The following EGLN1 variants were observed in gnomAD, a reference collection of about 807,000 sequenced individuals.
The protein encoded by EGLN1 is egl-9 family hypoxia inducible factor 1, also known as egl nine homolog 1.
In EGLN1, 17 loss-of-function variants were observed where a neutral mutation model predicts 38.3. That is an observed-to-expected ratio of 0.44 (90% CI 0.30 to 0.67). EGLN1 has a LOEUF of 0.67. Ranked by LOEUF, EGLN1 falls within the 30% of genes least tolerant of loss-of-function variation. The pLI, the probability that EGLN1 is intolerant of heterozygous loss-of-function variation, is 0.08. For missense variants in EGLN1, 477 were observed against 603.3 expected (o/e 0.79, Z 2.19); for synonymous variants, 283 against 257.5 (o/e 1.10, Z -0.95).
In EGLN1 at chr1:231,421,823, C is replaced by T; in HGVS notation, c.66G>A (p.Glu22=). 6.5e-7 allele frequency: 1 copy of T among 1,540,194 alleles called. No individual in the cohort carries two copies. The highest frequency in any genetic ancestry group is 8.7e-7 in the Non-Finnish European group (1 of 1,153,826). The change falls in exon 1 of 5, where the codon GAG becomes GAA. Residue 22 remains glutamate (E), a synonymous_variant. Coordinates refer to ENST00000366641, the MANE Select transcript of EGLN1 (RefSeq NM_022051.3). The surrounding 1 kb of genome is among the most constrained non-coding windows in gnomAD (Gnocchi z 5.5). ...SPSERDRQYC[E]LCGKMENLLR... is the part of the protein sequence containing the mutation. Reference sequence around the variant, plus strand: ...GCAGGTTCTCCATCTTCCCGCACAGCTCGCAGTACTGCCGGTCTCGCTCGC... The same window carrying T: ...GCAGGTTCTCCATCTTCCCGCACAGTTCGCAGTACTGCCGGTCTCGCTCGC...
intron 3 of EGLN1, among the ~76,000 whole-genome samples, chr1:231,369,781 G>A (rs2739516): frequency 0.55 from 82,986 of 151,968 alleles, 24,273 homozygotes; most frequent in Non-Finnish European, 0.65. Flanking sequence ...AATGAATGCC[G>A]GAAGCTCACT....
chr1:231,396,807 G>C (rs907272097), intron 1 of EGLN1, among the ~76,000 whole-genome samples: 3 of 152,132 alleles, frequency 2.0e-5, no homozygotes, highest in African/African-American at 7.2e-5. Flanking sequence ...TGGCATCCTT[G>C]TTCAACCAGT....
At chr1:231,394,325 G>T (rs918105208) in intron 1 of EGLN1, among the ~76,000 whole-genome samples, 5 of 150,820 alleles carry the variant, frequency 3.3e-5, no homozygotes, top group Non-Finnish European at 7.4e-5. Context: ...CCTCAAAATG[G>T]TTATTTCAAA....
At chr1:231,393,380 T>C (rs1185139727) in intron 1 of EGLN1, among the ~76,000 whole-genome samples, 1 of 152,190 alleles carries the variant, frequency 6.6e-6, no homozygotes, top group East Asian at 1.9e-4. Context: ...ACCTAAAATA[T>C]AGTAGAGCTT....
chr1:231,368,799 A>T (rs1051266902), intron 3 of EGLN1, among the ~76,000 whole-genome samples: 5 of 152,218 alleles, frequency 3.3e-5, no homozygotes, highest in African/African-American at 1.2e-4. Context: ...TGGGAGCCTG[A>T]CGTTTACAGA....
intron 1 of EGLN1, among the ~76,000 whole-genome samples, chr1:231,407,486 G>A (rs1688828196): frequency 6.6e-6 from 1 of 152,058 alleles, no homozygotes; most frequent in Non-Finnish European, 1.5e-5. Context: ...CATCAACGTG[G>A]TATCAATGTT....
At chr1:231,404,595 T>C (rs527932679) in intron 1 of EGLN1, among the ~76,000 whole-genome samples, 5 of 151,904 alleles carry the variant, frequency 3.3e-5, no homozygotes, top group South Asian at 2.1e-4. Flanking sequence ...CTGGGCAACA[T>C]AGCAAGACCC....
intron 1 of EGLN1, 101 bp from the exon 2 acceptor site, chr1:231,374,200 T>TA (rs958289483): frequency 7.5e-5 from 73 of 968,338 alleles, no homozygotes; most frequent in Non-Finnish European, 1.1e-4. Context: ...GATTTACACT[T>TA]AGATTCTTCT....
chr1:231,400,342 G>C (rs910466933), intron 1 of EGLN1, among the ~76,000 whole-genome samples: 7 of 152,106 alleles, frequency 4.6e-5, no homozygotes, highest in Non-Finnish European at 8.8e-5. Context: ...AAGGAGCTAT[G>C]AGTCTTCACC....
chr1:231,408,548 A>G (rs1000378220), intron 1 of EGLN1, among the ~76,000 whole-genome samples: 12 of 152,228 alleles, frequency 7.9e-5, no homozygotes, highest in Admixed American at 5.9e-4. Context: ...AATTAAGGGG[A>G]AAAAAAGTGT....
intron 1 of EGLN1, among the ~76,000 whole-genome samples, chr1:231,385,010 A>C (rs1381524717): frequency 6.6e-6 from 1 of 152,230 alleles, no homozygotes. Context: ...AGGCTACCGC[A>C]TAAATCAGGT....
intron 1 of EGLN1, among the ~76,000 whole-genome samples, chr1:231,385,122 G>A (rs1375498452): frequency 6.6e-6 from 1 of 152,186 alleles, no homozygotes; most frequent in Non-Finnish European, 1.5e-5. Flanking sequence ...AAGATGTCCA[G>A]AAAGACTGGT....
In EGLN1 at chr1:231,388,139, G is replaced by A. The variant is rs114302649; in HGVS notation, c.892-14040C>T. Among the ~76,000 whole-genome samples the A allele has an allele frequency of 4.4e-3, 666 of 152,286 alleles. 4 individuals are homozygous for A. Among genetic ancestry groups the A allele is most frequent in the Middle Eastern group, 0.027 (8 of 292 alleles). ...TTAGAACCCAGTGACTCTAAGCAAA[G>A]TGATTGATGGGCCATAAAACAAAAA... On this transcript the variant is annotated intron_variant, in intron 1 of 4. Transcript: ENST00000366641.
intron 1 of EGLN1, among the ~76,000 whole-genome samples, chr1:231,401,271 A>G (rs903254609): frequency 2.0e-5 from 3 of 152,154 alleles, no homozygotes; most frequent in Non-Finnish European, 2.9e-5. Context: ...TGCCTCAGTT[A>G]CCTCAATTAT....
intron 1 of EGLN1, among the ~76,000 whole-genome samples, chr1:231,392,866 T>C (rs139297959): frequency 0.015 from 2,246 of 152,302 alleles, 21 homozygotes; most frequent in Middle Eastern, 0.095. Flanking sequence ...CCTTCTTCTC[T>C]TTCCAGGTGC....
At chr1:231,391,086 TTTTTTTTGTGTGTGTG>T (rs1208242031) in intron 1 of EGLN1, among the ~76,000 whole-genome samples, 2 of 34,396 alleles carry the variant, frequency 5.8e-5, no homozygotes, top group African/African-American at 1.5e-4. Flanking sequence ...TCATTCTGTT[TTTTTTTTGTGTGTGTG>T]TGTGTGTGTG....
In EGLN1 at chr1:231,367,596, C is replaced by A; in HGVS notation, c.1189G>T (p.Ala397Ser). Reference protein sequence around the residue: ...TVWYFDADERARAKVKYLTGE... With the variant: ...TVWYFDADERSRAKVKYLTGE... ...GTTAGATATTTTACTTTAGCTCGTGCTCTCTCATCTGCATCAAAATACCAA... is the reference window on the plus strand; with the variant it reads ...GTTAGATATTTTACTTTAGCTCGTGATCTCTCATCTGCATCAAAATACCAA... Residue 397 changes from alanine (A) to serine (S), a missense_variant, in exon 4 of 5, where the codon GCA becomes TCA. Physicochemically the swap from Ala to Ser is moderately conservative, Grantham distance 99. This residue lies in a region of EGLN1 where 59 missense variants were observed against 119.0 expected (regional missense o/e 0.50). Coordinates refer to ENST00000366641, the MANE Select transcript of EGLN1 (RefSeq NM_022051.3). 6.2e-7 allele frequency: 1 copy of A among 1,614,018 alleles called. No individual in the cohort carries two copies. Among genetic ancestry groups the A allele is most frequent in the Non-Finnish European group, 8.5e-7 (1 of 1,179,982 alleles).
intron 1 of EGLN1, among the ~76,000 whole-genome samples, chr1:231,412,740 A>C (rs951604335): frequency 6.6e-6 from 1 of 152,230 alleles, no homozygotes; most frequent in Non-Finnish European, 1.5e-5. Flanking sequence ...TAGAACATAT[A>C]ACTTTTTTCT....
chr1:231,396,342 C>T (rs1000353893), intron 1 of EGLN1, among the ~76,000 whole-genome samples: 1 of 151,798 alleles, frequency 6.6e-6, no homozygotes, highest in African/African-American at 2.4e-5. Context: ...CAACCTCTGC[C>T]TCCTAGGTTC....
Sources: allele counts gnomAD v4.1 joint callset (sites outside exome capture counted in the v4.1 genomes callset), GRCh38; gene constraint gnomAD v4.1.1; regional missense constraint gnomAD v4.1.1; non-coding constraint Gnocchi (gnomAD v3.1); transcripts MANE v1.5; gene names NCBI Gene and HGNC (gene_info 2026-07-23, HGNC 2026-07-21).